Variants in ZBTB20 observed in about 807,000 individuals in gnomAD.
ZBTB20 encodes zinc finger and BTB domain-containing protein 20.
Under a neutral mutation model 56.9 loss-of-function variants are expected in ZBTB20, and 9 were observed. That is an observed-to-expected ratio of 0.16 (90% CI 0.10 to 0.28). The LOEUF is 0.28. ZBTB20 is among the 10% of genes least tolerant of loss of function. The probability of loss-of-function intolerance (pLI) is 1.00; values close to 1 mark genes in which losing one functional copy is unlikely to be tolerated. For missense variants in ZBTB20, 655 were observed against 1,003.0 expected (o/e 0.65, Z 4.69); for synonymous variants, 417 against 420.7 (o/e 0.99, Z 0.11).
intron 7 of ZBTB20, among the ~76,000 whole-genome samples, chr3:114,499,327 C>T (rs1559874766): frequency 6.6e-6 from 1 of 152,194 alleles, no homozygotes; most frequent in Non-Finnish European, 1.5e-5. Context: ...AGGATTCTGC[C>T]TCCCTAAATA....
At chr3:114,950,163 T>C (rs1392778171) in intron 3 of ZBTB20, among the ~76,000 whole-genome samples, 1 of 152,136 alleles carries the variant, frequency 6.6e-6, no homozygotes, top group African/African-American at 2.4e-5. Flanking sequence ...CCATGGGGAA[T>C]ACACTCCACC....
rs1276109749 is a variant in ZBTB20, at chr3:114,871,233, A to G, written c.-417+29071T>C. On this transcript the variant is annotated intron_variant, in intron 4 of 11. Coordinates refer to ENST00000675478, the MANE Select transcript of ZBTB20 (RefSeq NM_001348800.3). The stretch of plus-strand genomic sequence containing the variant: ...CTTTCTTTTAATTTTTTGGTTAGTT[A>G]CCAATCACAGGAGTTAACTTCCTAC... Among the ~76,000 whole-genome samples, 4 of 152,128 alleles carry G rather than the reference A, an allele frequency of 2.6e-5. No individual in the cohort carries two copies. The East Asian group carries it at 7.7e-4, about 29-fold the overall frequency.
At chr3:114,397,431 A>G (rs762881598) in intron 7 of ZBTB20, among the ~76,000 whole-genome samples, 3 of 151,468 alleles carry the variant, frequency 2.0e-5, no homozygotes, top group Admixed American at 6.6e-5. Context: ...TCCTCAGGAT[A>G]TATCTTTTCC....
chr3:114,380,799 C>T lies in ZBTB20; in HGVS notation c.-12G>A. 6.6e-7 allele frequency: 1 copy of T among 1,509,420 alleles called. No individual in the cohort carries two copies. The highest frequency in any genetic ancestry group is 2.5e-5 in the East Asian group (1 of 39,866). The allele number at this position is 1,509,420 out of a possible 1,614,324, so 93.5% of individuals were successfully genotyped here. A position where few individuals can be genotyped will look rare whatever the true frequency, so the allele number is the denominator to read the frequency against. On this transcript the variant is annotated 5_prime_UTR_variant, in exon 9 of 12. Transcript: ENST00000675478. ...TACCGTTCTAGCATTTGTCAGGAAG[C>T]TTAGAGACAGGACTCGTGGAGTAAT...
intron 2 of ZBTB20, among the ~76,000 whole-genome samples, chr3:115,070,989 G>GAA (rs144121591): frequency 4.3e-5 from 6 of 140,588 alleles, no homozygotes; most frequent in South Asian, 2.3e-4. Flanking sequence ...ATCCTTTTCT[G>GAA]AAAAAAAAAA....
chr3:114,875,160 ACTGATTAGCACTTTGCATAATTAAC>A (rs1422812250), intron 4 of ZBTB20, among the ~76,000 whole-genome samples: 2 of 152,172 alleles, frequency 1.3e-5, no homozygotes, highest in Non-Finnish European at 1.5e-5. Flanking sequence ...TTCAAGAAGA[ACTGATTAGCACTTTGCATAATTAAC>A]CTGATTAGCA....
chr3:114,816,503 A>G (rs2072928610), intron 4 of ZBTB20, among the ~76,000 whole-genome samples: 1 of 152,232 alleles, frequency 6.6e-6, no homozygotes, highest in African/African-American at 2.4e-5. Context: ...CAATGCAGAC[A>G]TTAAAAATTT....
intron 6 of ZBTB20, among the ~76,000 whole-genome samples, chr3:114,550,281 C>G (rs529572103): frequency 5.3e-5 from 8 of 152,118 alleles, no homozygotes; most frequent in African/African-American, 7.2e-5. Flanking sequence ...CAAATTCCAT[C>G]TCATTTTTCT....
At chr3:115,090,194 A>G (rs1318358499) in intron 1 of ZBTB20, among the ~76,000 whole-genome samples, 1 of 151,744 alleles carries the variant, frequency 6.6e-6, no homozygotes, top group Admixed American at 6.6e-5. Flanking sequence ...AGTTTTCTGA[A>G]GTATGTGGGC....
At chr3:114,480,621 T>C (rs1290639388) in intron 7 of ZBTB20, among the ~76,000 whole-genome samples, 1 of 152,204 alleles carries the variant, frequency 6.6e-6, no homozygotes, top group African/African-American at 2.4e-5. Context: ...AGAACATCCA[T>C]ATAGTCAGCT....
intron 3 of ZBTB20, among the ~76,000 whole-genome samples, chr3:114,964,339 CG>C (rs2077564396): frequency 6.6e-6 from 1 of 152,034 alleles, no homozygotes; most frequent in Non-Finnish European, 1.5e-5. Flanking sequence ...TGCTTGAATC[CG>C]GGAGGCAGAA....
chr3:114,525,137 T>C (rs1304842932), intron 6 of ZBTB20, among the ~76,000 whole-genome samples: 2 of 152,080 alleles, frequency 1.3e-5, no homozygotes, highest in African/African-American at 4.8e-5. Context: ...ACTTAACTTG[T>C]TCATTTATTT....
chr3:115,064,486 T>C (rs1424394004), intron 2 of ZBTB20, among the ~76,000 whole-genome samples: 3 of 136,702 alleles, frequency 2.2e-5, no homozygotes, highest in South Asian at 5.3e-4. Flanking sequence ...AATTTCGCTC[T>C]CGTTTCCCAG....
chr3:114,895,214 T>G (rs1293374368), intron 4 of ZBTB20, among the ~76,000 whole-genome samples: 1 of 152,040 alleles, frequency 6.6e-6, no homozygotes, highest in African/African-American at 2.4e-5. Flanking sequence ...CAAGAAAAAA[T>G]AAAACCTTAC....
At chr3:114,364,065 A>AT (rs35063843) in intron 10 of ZBTB20, among the ~76,000 whole-genome samples, 129,884 of 150,458 alleles carry the variant, frequency 0.86, 57,321 homozygotes, top group East Asian at 0.99. Context: ...TCACTGTAAT[A>AT]TTTTTTTTTT....
intron 5 of ZBTB20, among the ~76,000 whole-genome samples, chr3:114,729,216 A>C (rs114108997): frequency 1.9e-3 from 293 of 152,354 alleles, no homozygotes; most frequent in African/African-American, 6.9e-3. Flanking sequence ...CTAAAAGACT[A>C]TCCAACATTA....
chr3:114,360,632 T>C (rs1195103216), intron 10 of ZBTB20, among the ~76,000 whole-genome samples: 2 of 152,052 alleles, frequency 1.3e-5, no homozygotes, highest in African/African-American at 4.8e-5. Flanking sequence ...ATTACAGGCG[T>C]GAGCCACTGT....
intron 1 of ZBTB20, among the ~76,000 whole-genome samples, chr3:115,139,335 G>A (rs2084745289): frequency 6.6e-6 from 1 of 151,954 alleles, no homozygotes; most frequent in Non-Finnish European, 1.5e-5. Context: ...CAGAAACTGA[G>A]AGTAAAATTT....
chr3:114,402,610 A>G (rs376028857), intron 7 of ZBTB20, among the ~76,000 whole-genome samples: 4 of 152,256 alleles, frequency 2.6e-5, no homozygotes, highest in East Asian at 3.9e-4. Context: ...AATCATCCTA[A>G]CTCACGACGA....
Sources: allele counts gnomAD v4.1 joint callset (sites outside exome capture counted in the v4.1 genomes callset), GRCh38; gene constraint gnomAD v4.1.1; transcripts MANE v1.5; gene names NCBI Gene and HGNC (gene_info 2026-07-23, HGNC 2026-07-21).